The following PBOV1 variants were observed in gnomAD, a reference collection of about 807,000 sequenced individuals.
The protein encoded by PBOV1 is prostate and breast cancer overexpressed gene 1 protein.
For synonymous variants in PBOV1, 46 were observed against 55.9 expected, an observed-to-expected ratio of 0.82 and a Z score of 0.79; for missense variants, 147 against 151.4, an observed-to-expected ratio of 0.97 and a Z score of 0.15.
chr6:138,217,215 T>C lies in PBOV1; in HGVS notation c.*773A>G, dbSNP rs969939287. On this transcript the variant is annotated 3_prime_UTR_variant, in exon 1 of 1. Coordinates refer to ENST00000527246, the MANE Select transcript of PBOV1 (RefSeq NM_021635.3). ...TATTTCAAAATCACTCTACTAAGTGTCTTTAAACTTTTCTCACATAATCTT... is the reference window on the plus strand; with the variant it reads ...TATTTCAAAATCACTCTACTAAGTGCCTTTAAACTTTTCTCACATAATCTT... 10 of 152,360 alleles carry C rather than the reference T, an allele frequency of 6.6e-5. No individual in the cohort carries two copies. Among genetic ancestry groups the C allele is most frequent in the Admixed American group, 6.5e-4 (10 of 15,306 alleles). 9.4% of individuals were successfully genotyped at this position (152,360 alleles called of 1,614,324 possible). A position where few individuals can be genotyped will look rare whatever the true frequency, so the allele number is the denominator to read the frequency against.
rs961457330 is a variant in PBOV1 at position 138,216,607 on chromosome 6, T to C, written c.*1381A>G. 2.6e-5 allele frequency: 4 copies of C among 152,218 alleles called. No individual in the cohort carries two copies. The highest frequency in any genetic ancestry group is 9.6e-5 in the African/African-American group (4 of 41,458). 9.4% of individuals were successfully genotyped at this position (152,218 alleles called of 1,614,324 possible). A position where few individuals can be genotyped will look rare whatever the true frequency, so the allele number is the denominator to read the frequency against. ...TCTTAACTCGGGGCATTTGGTCTTC[T>C]AGAGTTCCTTTTGGAAAGAATGTGA... On this transcript the variant is annotated 3_prime_UTR_variant, in exon 1 of 1. Coordinates refer to ENST00000527246, the MANE Select transcript of PBOV1 (RefSeq NM_021635.3).
In PBOV1 at chr6:138,218,005, G is replaced by A. The variant is rs748567490; in HGVS notation, c.391C>T (p.His131Tyr). The A allele has an allele frequency of 1.9e-5, 30 of 1,611,896 alleles. No individual in the cohort carries two copies. Among genetic ancestry groups the A allele is most frequent in the Non-Finnish European group, 2.5e-5 (29 of 1,178,592 alleles). ...CCLLYLSKTI[H>Y]PQII ...CTGAGAGTTTATATGATCTGTGGAT[G>A]TATAGTTTTGGATAAGTAGAGAAGA... Residue 131 changes from histidine (H) to tyrosine (Y), a missense_variant, in exon 1 of 1, where the codon CAT becomes TAT. Coordinates refer to ENST00000527246, the MANE Select transcript of PBOV1 (RefSeq NM_021635.3).
In PBOV1 at chr6:138,216,877, G is replaced by T. The variant is rs1777874318; in HGVS notation, c.*1111C>A. 1 of 152,230 alleles carries T rather than the reference G, an allele frequency of 6.6e-6. No homozygotes were observed. Among genetic ancestry groups the T allele is most frequent in the African/African-American group, 2.4e-5 (1 of 41,458 alleles). The allele number at this position is 152,230 out of a possible 1,614,324, so 9.4% of individuals were successfully genotyped here. ...TAATGCAGGGAAGTGTCTAAAATAT[G>T]TGGTTCTGCTAAGTAAATGGTTCTC... On this transcript the variant is annotated 3_prime_UTR_variant, in exon 1 of 1. Transcript: ENST00000527246.
chr6:138,218,368 A>G lies in PBOV1; in HGVS notation c.28T>C (p.Tyr10His). ...TGAATAATATTGTGCATATCCTCAT[A>G]TTTCTGGTTCCTTAAGAAGGCCCTC... MRAFLRNQK[Y>H]EDMHNIIHIL... The change falls in exon 1 of 1, where the codon TAT becomes CAT. Residue 10 changes from tyrosine to histidine, a missense_variant. By Grantham distance (83) the Tyr-to-His change is moderately conservative (BLOSUM62 2). Transcript: ENST00000527246. 1 of 1,544,636 alleles carries G rather than the reference A, an allele frequency of 6.5e-7. No homozygotes were observed. Among genetic ancestry groups the G allele is most frequent in the Non-Finnish European group, 8.7e-7 (1 of 1,143,464 alleles).
At position 138,217,189 on chromosome 6, in the gene PBOV1, A is replaced by T. The variant is rs41288989; in HGVS notation, c.*799T>A. 1 of 152,256 alleles carries T rather than the reference A, an allele frequency of 6.6e-6. No individual in the cohort carries two copies. Among genetic ancestry groups the T allele is most frequent in the Non-Finnish European group, 1.5e-5 (1 of 68,042 alleles). The allele number at this position is 152,256 out of a possible 1,614,324, so 9.4% of individuals were successfully genotyped here. On this transcript the variant is annotated 3_prime_UTR_variant, in exon 1 of 1. Transcript: ENST00000527246. ...GCACCACCATTTCCAAGTGTTTACT[A>T]TATTTCAAAATCACTCTACTAAGTG...
chr6:138,217,086 A>T lies in PBOV1; in HGVS notation c.*902T>A, dbSNP rs1777880261. On this transcript the variant is annotated 3_prime_UTR_variant, in exon 1 of 1. Transcript: ENST00000527246. ...ATGAACAAACATTGAAAGCCTGGAG[A>T]TGTGATTTTCCTTTAAATAGTTTAT... The T allele has an allele frequency of 6.6e-6, 1 of 152,234 alleles. No homozygotes were observed. The highest frequency in any genetic ancestry group is 2.4e-5 in the African/African-American group (1 of 41,464). The allele number at this position is 152,234 out of a possible 1,614,324, so 9.4% of individuals were successfully genotyped here. A position where few individuals can be genotyped will look rare whatever the true frequency, so the allele number is the denominator to read the frequency against.
At position 138,216,448 on chromosome 6, in the gene PBOV1, A is replaced by G. The variant is rs1231978625; in HGVS notation, c.*1540T>C. ...GTGTGCTTTTAAATTATGTATCAGT[A>G]CTGTCGTCAGTGCCTTGGTCTGGGA... On this transcript the variant is annotated 3_prime_UTR_variant, in exon 1 of 1. Transcript: ENST00000527246. 1 of 152,178 alleles carries G rather than the reference A, an allele frequency of 6.6e-6. No individual in the cohort carries two copies. Among genetic ancestry groups the G allele is most frequent in the African/African-American group, 2.4e-5 (1 of 41,456 alleles). 9.4% of individuals were successfully genotyped at this position (152,178 alleles called of 1,614,324 possible).
rs1266656630 is a variant in PBOV1 at position 138,218,098 on chromosome 6, A to ATGAGGAACATTTCAT, written c.283_297dup (p.Met95_Ser99dup). 3.7e-6 allele frequency: 6 copies of ATGAGGAACATTTCAT among 1,613,988 alleles called. No homozygotes were observed. The East Asian group carries it at 1.3e-4, about 36-fold the overall frequency. On this transcript the variant is annotated inframe_insertion, in exon 1 of 1. Coordinates refer to ENST00000527246, the MANE Select transcript of PBOV1 (RefSeq NM_021635.3). ...GTGAATAATATGGCTTCTGAAGATA[A>ATGAGGAACATTTCAT]TGAGGAACATTTCATTGAGGAACCT...
At position 138,217,778 on chromosome 6, in the gene PBOV1, A is replaced by G. The variant is rs950535071; in HGVS notation, c.*210T>C. 4 of 643,952 alleles carry G rather than the reference A, an allele frequency of 6.2e-6. No individual in the cohort carries two copies. The highest frequency in any genetic ancestry group is 4.7e-6 in the Non-Finnish European group (2 of 428,694). 39.9% of individuals were successfully genotyped at this position (643,952 alleles called of 1,614,324 possible). A position where few individuals can be genotyped will look rare whatever the true frequency, so the allele number is the denominator to read the frequency against. On this transcript the variant is annotated 3_prime_UTR_variant, in exon 1 of 1. Coordinates refer to ENST00000527246, the MANE Select transcript of PBOV1 (RefSeq NM_021635.3). ...AACAAACTAAATTGAGATAATAGAT[A>G]ATAATCTATGAGTTCAAGATTGAGA...
In PBOV1 at chr6:138,218,375, G is replaced by C. The variant is rs1202274372; in HGVS notation, c.21C>G (p.Asn7Lys). The C allele has an allele frequency of 6.5e-7, 1 of 1,542,336 alleles. No homozygotes were observed. The highest frequency in any genetic ancestry group is 8.8e-7 in the Non-Finnish European group (1 of 1,142,392). Residue 7 changes from asparagine (N) to lysine (K), a missense_variant, in exon 1 of 1, where the codon AAC (asparagine) becomes AAG (lysine). Asn to Lys is a moderately conservative substitution (Grantham distance 94). Transcript: ENST00000527246. ...TATTGTGCATATCCTCATATTTCTG[G>C]TTCCTTAAGAAGGCCCTCATATTTA... MRAFLR[N>K]QKYEDMHNII...
At position 138,216,028 on chromosome 6, in the gene PBOV1, G is replaced by C. The variant is rs1269761263; in HGVS notation, c.*1960C>G. The C allele has an allele frequency of 2.0e-5, 3 of 151,632 alleles. No individual in the cohort carries two copies. Among genetic ancestry groups the C allele is most frequent in the Non-Finnish European group, 4.4e-5 (3 of 67,994 alleles). 9.4% of individuals were successfully genotyped at this position (151,632 alleles called of 1,614,324 possible). The stretch of plus-strand genomic sequence containing the variant: ...AGTTTTACTCCTGTTGCCCAGGCTG[G>C]AGTGCAATAGTGCAATCTCAGCTCA... On this transcript the variant is annotated 3_prime_UTR_variant, in exon 1 of 1. Transcript: ENST00000527246.
In PBOV1 at chr6:138,218,460, C is replaced by T; in HGVS notation, c.-65G>A. The T allele has an allele frequency of 2.4e-5, 35 of 1,463,410 alleles. No individual in the cohort carries two copies. The highest frequency in any genetic ancestry group is 3.1e-5 in the Non-Finnish European group (34 of 1,109,326). 90.7% of individuals were successfully genotyped at this position (1,463,410 alleles called of 1,614,324 possible). On this transcript the variant is annotated 5_prime_UTR_variant, in exon 1 of 1. The change abolishes an upstream ATG in the 5' untranslated region. Coordinates refer to ENST00000527246, the MANE Select transcript of PBOV1 (RefSeq NM_021635.3). ...AAGAATAATTTTGTAAATTATTATACATCAATTAGCCACCTCGATATATTT... is the reference window on the plus strand; with the variant it reads ...AAGAATAATTTTGTAAATTATTATATATCAATTAGCCACCTCGATATATTT...
chr6:138,218,476 C>A lies in PBOV1; in HGVS notation c.-81G>T. ...ATTATTATACATCAATTAGCCACCT[C>A]GATATATTTAAGGTCCTAACCATCA... On this transcript the variant is annotated 5_prime_UTR_variant, in exon 1 of 1. Coordinates refer to ENST00000527246, the MANE Select transcript of PBOV1 (RefSeq NM_021635.3). The A allele has an allele frequency of 6.9e-7, 1 of 1,455,108 alleles. No homozygotes were observed. The highest frequency in any genetic ancestry group is 9.1e-7 in the Non-Finnish European group (1 of 1,104,946). The allele number at this position is 1,455,108 out of a possible 1,614,324, so 90.1% of individuals were successfully genotyped here. A position where few individuals can be genotyped will look rare whatever the true frequency, so the allele number is the denominator to read the frequency against.
Position 138,218,480 on chromosome 6 carries a change from A to G in PBOV1, c.-85T>C, listed in dbSNP as rs995904398. 1.4e-6 allele frequency: 2 copies of G among 1,455,246 alleles called. No homozygotes were observed. The highest frequency in any genetic ancestry group is 2.9e-5 in the African/African-American group (2 of 69,914). The allele number at this position is 1,455,246 out of a possible 1,614,324, so 90.1% of individuals were successfully genotyped here. A position where few individuals can be genotyped will look rare whatever the true frequency, so the allele number is the denominator to read the frequency against. Reference sequence around the variant, plus strand: ...TTATACATCAATTAGCCACCTCGATATATTTAAGGTCCTAACCATCAGCCA... The same window carrying G: ...TTATACATCAATTAGCCACCTCGATGTATTTAAGGTCCTAACCATCAGCCA... On this transcript the variant is annotated 5_prime_UTR_variant, in exon 1 of 1. Coordinates refer to ENST00000527246, the MANE Select transcript of PBOV1 (RefSeq NM_021635.3).
In PBOV1 at chr6:138,217,842, C is replaced by A; in HGVS notation, c.*146G>T. Reference sequence around the variant, plus strand: ...GTTTGTATTTTAGAATTGAAATAACCTCCTACATCATCAAATTCTTTTCAT... The same window carrying A: ...GTTTGTATTTTAGAATTGAAATAACATCCTACATCATCAAATTCTTTTCAT... On this transcript the variant is annotated 3_prime_UTR_variant, in exon 1 of 1. Transcript: ENST00000527246. 8.5e-7 allele frequency: 1 copy of A among 1,171,002 alleles called. No individual in the cohort carries two copies. The highest frequency in any genetic ancestry group is 1.2e-6 in the Non-Finnish European group (1 of 862,100). 72.5% of individuals were successfully genotyped at this position (1,171,002 alleles called of 1,614,324 possible). A position where few individuals can be genotyped will look rare whatever the true frequency, so the allele number is the denominator to read the frequency against.
In PBOV1 at chr6:138,218,383, A is replaced by T. The variant is rs1777915272; in HGVS notation, c.13T>A (p.Leu5Ile). Residue 5 changes from leucine (L) to isoleucine (I), a missense_variant, in exon 1 of 1, where the codon TTA becomes ATA. Leu to Ile is a conservative substitution (Grantham distance 5, BLOSUM62 2). Coordinates refer to ENST00000527246, the MANE Select transcript of PBOV1 (RefSeq NM_021635.3). MRAF[L>I]RNQKYEDMHN... The stretch of plus-strand genomic sequence containing the variant: ...ATATCCTCATATTTCTGGTTCCTTA[A>T]GAAGGCCCTCATATTTACTACTGTA... The T allele has an allele frequency of 1.9e-6, 3 of 1,540,494 alleles. No individual in the cohort carries two copies. The highest frequency in any genetic ancestry group is 2.8e-5 in the African/African-American group (2 of 72,434).
Position 138,217,928 on chromosome 6 carries a change from A to G in PBOV1, c.*60T>C. Reference sequence around the variant, plus strand: ...CTGGGCTTAAACAGTCATTGGTAGCAGAATTGCCTTTTCAACCATTTTTAT... The same window carrying G: ...CTGGGCTTAAACAGTCATTGGTAGCGGAATTGCCTTTTCAACCATTTTTAT... On this transcript the variant is annotated 3_prime_UTR_variant, in exon 1 of 1. Transcript: ENST00000527246. 6.5e-7 allele frequency: 1 copy of G among 1,530,712 alleles called. No homozygotes were observed. The highest frequency in any genetic ancestry group is 8.8e-7 in the Non-Finnish European group (1 of 1,139,202). The allele number at this position is 1,530,712 out of a possible 1,614,324, so 94.8% of individuals were successfully genotyped here.
rs1433992777 is a variant in PBOV1, at chr6:138,217,036, G to C, written c.*952C>G. On this transcript the variant is annotated 3_prime_UTR_variant, in exon 1 of 1. Coordinates refer to ENST00000527246, the MANE Select transcript of PBOV1 (RefSeq NM_021635.3). ...CCCTTTGATATGACTGCCTTCAGCAGATGGTAAAAATATATGAAAAAGTAA... is the reference window on the plus strand; with the variant it reads ...CCCTTTGATATGACTGCCTTCAGCACATGGTAAAAATATATGAAAAAGTAA... 6.6e-6 allele frequency: 1 copy of C among 152,234 alleles called. No homozygotes were observed. The highest frequency in any genetic ancestry group is 6.5e-5 in the Admixed American group (1 of 15,288). The allele number at this position is 152,234 out of a possible 1,614,324, so 9.4% of individuals were successfully genotyped here.
At position 138,216,727 on chromosome 6, in the gene PBOV1, A is replaced by G. The variant is rs1311959890; in HGVS notation, c.*1261T>C. On this transcript the variant is annotated 3_prime_UTR_variant, in exon 1 of 1. Transcript: ENST00000527246. ...TAGCCTGAAGCCATTGAGACCCTTC[A>G]GAAGATTTGTAGCAATCTCTAGCGT... 1 of 152,250 alleles carries G rather than the reference A, an allele frequency of 6.6e-6. No individual in the cohort carries two copies. Among genetic ancestry groups the G allele is most frequent in the Non-Finnish European group, 1.5e-5 (1 of 68,046 alleles). 9.4% of individuals were successfully genotyped at this position (152,250 alleles called of 1,614,324 possible).
Sources: allele counts gnomAD v4.1 joint callset, GRCh38; gene constraint gnomAD v4.1.1; transcripts MANE v1.5; gene names NCBI Gene and HGNC (gene_info 2026-07-23, HGNC 2026-07-21).